IGF2R: variants seen among roughly 807,000 people sequenced by gnomAD.
The protein encoded by IGF2R is insulin like growth factor 2 receptor.
In IGF2R, 91 loss-of-function variants were observed where a neutral mutation model predicts 270.6. That is an observed-to-expected ratio of 0.34 (90% CI 0.28 to 0.40). The LOEUF (loss-of-function observed/expected upper bound fraction) is 0.40, where lower values mean the gene tolerates loss of function less well. Ranked by LOEUF, IGF2R falls within the 10% of genes least tolerant of loss-of-function variation. The pLI, the probability that IGF2R is intolerant of heterozygous loss-of-function variation, is 1.00. For synonymous variants in IGF2R, 1,316 were observed against 1,258.9 expected (o/e 1.05, Z -0.96); for missense variants, 2,805 against 3,188.3 (o/e 0.88, Z 2.90).
chr6:160,056,514 G>A lies in IGF2R; in HGVS notation c.2785G>A (p.Asp929Asn). Residue 929 changes from aspartate (D) to asparagine (N), a missense_variant, in exon 20 of 48, where the codon GAT (aspartate) becomes AAT (asparagine). Transcript: ENST00000356956. ...TGCCTGTCCCATTCAGACAACGACG[G>A]ATACAGACCAGGTACGTGTGCTTTC... is the stretch of plus-strand genomic sequence containing the variant. ...EAACPIQTTT[D>N]TDQACSIRDP... 6.2e-7 allele frequency: 1 copy of A among 1,610,690 alleles called. No homozygotes were observed. Among genetic ancestry groups the A allele is most frequent in the Non-Finnish European group, 8.5e-7 (1 of 1,176,860 alleles).
chr6:159,988,512 CAAAAAAA>C (rs59531292), intron 1 of IGF2R, among the ~76,000 whole-genome samples: 1 of 50,476 alleles, frequency 2.0e-5, no homozygotes, highest in African/African-American at 7.9e-5. Context: ...GACTCCGTCT[CAAAAAAA>C]AAAAAAAAAA....
At chr6:159,983,479 A>G (rs1160701915) in intron 1 of IGF2R, among the ~76,000 whole-genome samples, 1 of 152,228 alleles carries the variant, frequency 6.6e-6, no homozygotes, top group East Asian at 1.9e-4. Flanking sequence ...TACAGTCAGG[A>G]GCAAAACAGT....
rs144020061 is a variant in IGF2R, at chr6:160,056,909, C to G, written c.2796+384C>G. Among the ~76,000 whole-genome samples, 215 of 152,264 alleles carry G rather than the reference C, an allele frequency of 1.4e-3. 2 individuals carry two copies. The highest frequency in any genetic ancestry group is 4.9e-3 in the African/African-American group (202 of 41,550). On this transcript the variant is annotated intron_variant, in intron 20 of 47. Transcript: ENST00000356956. ...TGCCTGTCCCCTAGAGGGTAGAGCCCGTATGTTTTAATGTGACCCTATCCA... is the reference window on the plus strand; with the variant it reads ...TGCCTGTCCCCTAGAGGGTAGAGCCGGTATGTTTTAATGTGACCCTATCCA...
rs1313391816 is a variant in IGF2R, at chr6:160,102,530, A to G, written c.6854A>G (p.Asp2285Gly). The change falls in exon 46 of 48, where the codon GAC becomes GGC. Residue 2285 changes from aspartate to glycine, a missense_variant. By Grantham distance (94) the Asp-to-Gly change is moderately conservative (BLOSUM62 -1). Around this residue, in one of 2 missense-constraint regions of IGF2R, gnomAD observed 1,851 missense variants for 2,207.2 expected, o/e 0.84. Coordinates refer to ENST00000356956, the MANE Select transcript of IGF2R (RefSeq NM_000876.4). This position sits in a 1 kb window ranked among gnomAD's most constrained non-coding sequence, Gnocchi z 4.5. Reference protein sequence around the residue: ...SAVCPLGVGFDSENPGDDGQM... With the variant: ...SAVCPLGVGFGSENPGDDGQM... ...TGACGTCCTTGCAGGGTGGGCTTTG[A>G]CAGCGAGAATCCCGGGGACGACGGG... 1 of 1,612,128 alleles carries G rather than the reference A, an allele frequency of 6.2e-7. No homozygotes were observed. Among genetic ancestry groups the G allele is most frequent in the Non-Finnish European group, 8.5e-7 (1 of 1,179,658 alleles).
intron 1 of IGF2R, among the ~76,000 whole-genome samples, chr6:159,986,459 GGTTT>G (rs1401640178): frequency 6.7e-6 from 1 of 148,300 alleles, no homozygotes; most frequent in Non-Finnish European, 1.5e-5. Context: ...GTAGATTCAG[GGTTT>G]CACCATGTTG....
At chr6:160,046,387 C>T (rs1778069630) in intron 14 of IGF2R, 111 bp from the exon 15 acceptor site, 2 of 1,023,564 alleles carry the variant, frequency 2.0e-6, no homozygotes, top group East Asian at 2.6e-5. Flanking sequence ...CTTCTTCCTG[C>T]CGTTGGGAAC....
At chr6:160,086,926 C>A (rs1218285768) in intron 41 of IGF2R, among the ~76,000 whole-genome samples, 1 of 152,020 alleles carries the variant, frequency 6.6e-6, no homozygotes, top group East Asian at 1.9e-4. Context: ...GGACACCCTG[C>A]GCCATGCCCT....
At position 160,001,454 on chromosome 6, in the gene IGF2R, GTAA is replaced by G. The variant is rs534950726; in HGVS notation, c.290-7547_290-7545del. On this transcript the variant is annotated intron_variant, in intron 2 of 47. Coordinates refer to ENST00000356956, the MANE Select transcript of IGF2R (RefSeq NM_000876.4). ...AATTATTTCAATTACATATTACAAT[GTAA>G]TAATAATAGAAATAAAGGGTACAAT... 1.9e-3 allele frequency among the ~76,000 whole-genome samples: 285 copies of G among 152,126 alleles called. 2 individuals carry two copies. Among genetic ancestry groups the G allele is most frequent in the Non-Finnish European group, 2.3e-3 (156 of 68,016 alleles).
rs544804928 is a variant in IGF2R at position 160,061,542 on chromosome 6, C to T, written c.3302C>T (p.Thr1101Ile). The T allele has an allele frequency of 1.5e-5, 24 of 1,614,120 alleles. No individual in the cohort carries two copies. In the African/African-American group the frequency reaches 2.5e-4, roughly 17 times the overall value. The change falls in exon 24 of 48, where the codon ACA becomes ATA. Residue 1101 changes from threonine (T) to isoleucine (I), a missense_variant. Thr to Ile is a moderately conservative substitution (Grantham distance 89). Transcript: ENST00000356956. ...GNEYDLTGLS[T>I]VRKPWTAVDT... ...GAGTACGACCTGACTGGCCTAAGCA[C>T]AGTCAGGAAACCTTGGACGGCTGTT...
At chr6:160,012,585 A>G (rs374691143) in intron 4 of IGF2R, among the ~76,000 whole-genome samples, 6 of 151,516 alleles carry the variant, frequency 4.0e-5, no homozygotes, top group African/African-American at 1.5e-4. Flanking sequence ...ACTCACTATC[A>G]TGATAATAGC....
At chr6:160,068,068 GTGT>G (rs1562365512) in intron 29 of IGF2R, among the ~76,000 whole-genome samples, 178 bp from the exon 30 acceptor site, 5 of 39,918 alleles carry the variant, frequency 1.3e-4, no homozygotes, top group Non-Finnish European at 1.7e-4. Context: ...GATGGGGGGT[GTGT>G]GTGTGTGTGT....
At chr6:159,993,458 C>T (rs574604913) in intron 2 of IGF2R, among the ~76,000 whole-genome samples, 1 of 152,238 alleles carries the variant, frequency 6.6e-6, no homozygotes, top group African/African-American at 2.4e-5. Flanking sequence ...TTTCCCAGCA[C>T]CGTTTATTGA....
At chr6:160,093,581 AT>A (rs1299776954) in intron 44 of IGF2R, 2 of 669,764 alleles carry the variant, frequency 3.0e-6, no homozygotes, top group Non-Finnish European at 5.6e-6. Flanking sequence ...AGAACTTGCC[AT>A]CAACCCAGTG....
At chr6:160,093,890 G>T in intron 44 of IGF2R, 1 of 723,818 alleles carries the variant, frequency 1.4e-6, no homozygotes, top group South Asian at 1.4e-5. Context: ...GACCATTCAG[G>T]AGGCTGATCA....
At chr6:160,069,704 G>A (rs971046548) in intron 30 of IGF2R, among the ~76,000 whole-genome samples, 164 bp from the exon 31 acceptor site, 2 of 152,218 alleles carry the variant, frequency 1.3e-5, no homozygotes, top group Non-Finnish European at 2.9e-5. Context: ...CTAACGTGAT[G>A]TCATTGTCAT....
chr6:160,026,508 TTTAG>T (rs1422255117), intron 5 of IGF2R, among the ~76,000 whole-genome samples: 7 of 152,232 alleles, frequency 4.6e-5, no homozygotes, highest in Non-Finnish European at 1.0e-4. Flanking sequence ...TTCCTGGAAC[TTTAG>T]TTAGATAGGA....
At chr6:160,014,108 A>ACTTT (rs1777221126) in intron 4 of IGF2R, among the ~76,000 whole-genome samples, 1 of 152,192 alleles carries the variant, frequency 6.6e-6, no homozygotes, top group Non-Finnish European at 1.5e-5. Flanking sequence ...CTATTGTTAT[A>ACTTT]CTTTGTTCAG....
chr6:160,006,945 CAAA>C (rs11377606), intron 2 of IGF2R: 1 of 138,800 alleles, frequency 7.2e-6, no homozygotes. Context: ...ATCTAATTTC[CAAA>C]AAAAAAAAAT....
At chr6:160,070,123 G>A (rs1778683949) in intron 31 of IGF2R, 65 bp downstream of exon 31, 5 of 1,475,574 alleles carry the variant, frequency 3.4e-6, no homozygotes, top group Non-Finnish European at 4.7e-6. Flanking sequence ...GTGCAGGGCG[G>A]TGAGCCGCAC....
Sources: gnomAD v4.1 joint callset for allele counts (sites outside exome capture counted in the v4.1 genomes callset) on GRCh38, gnomAD v4.1.1 for gene constraint, gnomAD v4.1.1 regional missense constraint, Gnocchi (gnomAD v3.1) non-coding constraint, MANE v1.5 for transcripts, NCBI Gene and HGNC (gene_info 2026-07-23, HGNC 2026-07-21) for gene names.